The following ELMO1 variants were observed in gnomAD, a reference collection of about 807,000 sequenced individuals.
ELMO1 encodes engulfment and cell motility protein 1.
In ELMO1, 26 loss-of-function variants were observed where a neutral mutation model predicts 98.9. That is an observed-to-expected ratio of 0.26 (90% confidence interval 0.19 to 0.36). The LOEUF (loss-of-function observed/expected upper bound fraction) is 0.36, where lower values mean the gene tolerates loss of function less well. Among genes scored for constraint, ELMO1 ranks in the 10% least tolerant of loss-of-function variants. The probability of loss-of-function intolerance (pLI) is 1.00; values close to 1 mark genes in which losing one functional copy is unlikely to be tolerated. For synonymous variants in ELMO1, 346 were observed against 346.0 expected (o/e 1.00, Z 0.00); for missense variants, 627 against 935.2 (o/e 0.67, Z 4.30).
At chr7:37,012,370 C>T (rs1793620401) in intron 16 of ELMO1, among the ~76,000 whole-genome samples, 1 of 152,180 alleles carries the variant, frequency 6.6e-6, no homozygotes, top group Non-Finnish European at 1.5e-5. Flanking sequence ...TTATGTTATG[C>T]ACCAAGCACG....
intron 1 of ELMO1, among the ~76,000 whole-genome samples, chr7:37,350,172 G>T (rs1359959720): frequency 6.6e-6 from 1 of 152,188 alleles, no homozygotes; most frequent in Non-Finnish European, 1.5e-5. Context: ...CTTCAGAAAT[G>T]AGGGAACACG....
At chr7:37,290,891 C>A (rs60635300) in intron 4 of ELMO1, among the ~76,000 whole-genome samples, 87 of 151,258 alleles carry the variant, frequency 5.8e-4, no homozygotes, top group Non-Finnish European at 1.0e-3. Context: ...AGAGGAAGAA[C>A]AGAGGAAGAG....
chr7:37,396,715 A>G (rs1803313776), intron 1 of ELMO1, among the ~76,000 whole-genome samples: 1 of 152,228 alleles, frequency 6.6e-6, no homozygotes, highest in South Asian at 2.1e-4. Flanking sequence ...GAATTGGATA[A>G]TCTTGAGTGG....
intron 1 of ELMO1, among the ~76,000 whole-genome samples, chr7:37,368,868 G>A (rs1457268472): frequency 6.6e-6 from 1 of 152,144 alleles, no homozygotes; most frequent in Non-Finnish European, 1.5e-5. Context: ...TGGGCTATTG[G>A]TAAATCATTC....
At position 37,278,649 on chromosome 7, in the gene ELMO1, A is replaced by T. The variant is rs1018161769; in HGVS notation, c.193-6767T>A. Among the ~76,000 whole-genome samples, 4 of 152,212 alleles carry T rather than the reference A, an allele frequency of 2.6e-5. No homozygotes were observed. The South Asian group carries it at 8.3e-4, about 32-fold the overall frequency. ...ACCCTGTGGATTTAGGGTTTTCCTA[A>T]CCAGCTCCCATAATCCCATGAGGTA... is the stretch of plus-strand genomic sequence containing the variant. On this transcript the variant is annotated intron_variant, in intron 4 of 21. Transcript: ENST00000310758.
chr7:37,098,540 C>A (rs1372867659), intron 14 of ELMO1, among the ~76,000 whole-genome samples: 1 of 152,108 alleles, frequency 6.6e-6, no homozygotes, highest in South Asian at 2.1e-4. Flanking sequence ...AAAGAACATT[C>A]CAGATAGAGA....
chr7:36,858,950 T>C (rs1321091347), intron 21 of ELMO1, among the ~76,000 whole-genome samples: 2 of 152,254 alleles, frequency 1.3e-5, no homozygotes, highest in Non-Finnish European at 2.9e-5. Flanking sequence ...AACACTAAGT[T>C]TGTGGCAGTT....
At chr7:37,318,752 C>A (rs1799336419) in intron 2 of ELMO1, among the ~76,000 whole-genome samples, 1 of 152,132 alleles carries the variant, frequency 6.6e-6, no homozygotes, top group Non-Finnish European at 1.5e-5. Flanking sequence ...TAATGGTGGG[C>A]CCCTCCATTC....
chr7:37,001,404 T>C (rs1248387962), intron 16 of ELMO1, among the ~76,000 whole-genome samples: 2 of 152,200 alleles, frequency 1.3e-5, no homozygotes, highest in Admixed American at 6.5e-5. Flanking sequence ...CAACACAAAG[T>C]ATTTGAGCAG....
intron 16 of ELMO1, among the ~76,000 whole-genome samples, chr7:36,959,824 GCA>G (rs1788793489): frequency 6.6e-6 from 1 of 152,186 alleles, no homozygotes; most frequent in East Asian, 1.9e-4. Context: ...GGGATTACAG[GCA>G]CGTGTGACCA....
chr7:36,979,530 C>T (rs1248680072), intron 16 of ELMO1, among the ~76,000 whole-genome samples: 2 of 152,118 alleles, frequency 1.3e-5, no homozygotes, highest in Admixed American at 6.5e-5. Flanking sequence ...ATCTAGGACG[C>T]GGCTGTCATC....
At chr7:37,235,685 C>T (rs1173634121) in intron 7 of ELMO1, among the ~76,000 whole-genome samples, 1 of 152,252 alleles carries the variant, frequency 6.6e-6, no homozygotes, top group African/African-American at 2.4e-5. Flanking sequence ...GCAATCCCAG[C>T]ACTCTGGGAG....
intron 14 of ELMO1, among the ~76,000 whole-genome samples, chr7:37,130,572 C>A (rs1420787310): frequency 6.6e-6 from 1 of 152,114 alleles, no homozygotes; most frequent in Non-Finnish European, 1.5e-5. Context: ...CTGCATTTGG[C>A]AATACAGCTT....
rs756419854 is a variant in ELMO1, at chr7:37,133,166, C to T, written c.1155G>A (p.Leu385=). Reference sequence around the variant, plus strand: ...CATCTTGGTGGTGCTTGGCAAAGTACAGCATGTTGTCCAGAGCCAACATCC... The same window carrying T: ...CATCTTGGTGGTGCTTGGCAAAGTATAGCATGTTGTCCAGAGCCAACATCC... The part of the protein sequence containing the change: ...PPGMLALDNM[L]YFAKHHQDAY... Residue 385 remains leucine, a synonymous_variant, in exon 14 of 22, where the codon CTG becomes CTA. Coordinates refer to ENST00000310758, the MANE Select transcript of ELMO1 (RefSeq NM_014800.11). 1.1e-5 allele frequency: 17 copies of T among 1,612,186 alleles called. No individual in the cohort carries two copies. Among genetic ancestry groups the T allele is most frequent in the African/African-American group, 1.3e-5 (1 of 74,720 alleles).
At chr7:37,418,379 CT>C (rs1804321623) in intron 1 of ELMO1, among the ~76,000 whole-genome samples, 1 of 152,188 alleles carries the variant, frequency 6.6e-6, no homozygotes, top group South Asian at 2.1e-4. Flanking sequence ...ACCTCTACCC[CT>C]GACAGCAGCC....
At chr7:37,001,993 TGTCTTA>T (rs1792705832) in intron 16 of ELMO1, 1 of 152,240 alleles carries the variant, frequency 6.6e-6, no homozygotes, top group African/African-American at 2.4e-5. Flanking sequence ...TAACAGTTGC[TGTCTTA>T]GTCAGCTATT....
intron 1 of ELMO1, among the ~76,000 whole-genome samples, chr7:37,447,252 A>G (rs918273010): frequency 6.6e-6 from 1 of 152,224 alleles, no homozygotes; most frequent in Non-Finnish European, 1.5e-5. Context: ...ACACTCAGAT[A>G]TTCTTCCATA....
chr7:36,918,048 T>G (rs1784846187), intron 16 of ELMO1, among the ~76,000 whole-genome samples: 1 of 152,198 alleles, frequency 6.6e-6, no homozygotes. Context: ...TATAATTTTG[T>G]AAAGACATTC....
intron 4 of ELMO1, among the ~76,000 whole-genome samples, chr7:37,288,837 C>T (rs1797532699): frequency 6.6e-6 from 1 of 152,158 alleles, no homozygotes; most frequent in Non-Finnish European, 1.5e-5. Context: ...TAAACATGAA[C>T]CTAGGCAAGT....
Sources: gnomAD v4.1 joint callset for allele counts (sites outside exome capture counted in the v4.1 genomes callset) on GRCh38, gnomAD v4.1.1 for gene constraint, MANE v1.5 for transcripts, NCBI Gene and HGNC (gene_info 2026-07-23, HGNC 2026-07-21) for gene names.